Variants in AHCY observed in about 807,000 individuals in gnomAD.
AHCY encodes adenosylhomocysteinase, also known as S-adenosyl-L-homocysteine hydrolase.
AHCY carries 24 observed loss-of-function variants against 45.4 expected under a neutral mutation model. The ratio of observed to expected loss-of-function variants is 0.53; its 90% CI spans 0.38 to 0.74. The LOEUF (loss-of-function observed/expected upper bound fraction) is 0.74, where lower values mean the gene tolerates loss of function less well. Ranked by LOEUF, AHCY falls within the 30% of genes least tolerant of loss-of-function variation. The pLI is 0.00. For missense variants in AHCY, 449 were observed against 594.1 expected, an observed-to-expected ratio of 0.76 and a Z score of 2.54; for synonymous variants, 245 against 235.1, an observed-to-expected ratio of 1.04 and a Z score of -0.39.
At chr20:34,271,058 C>T in the AHCY span, among the ~76,000 whole-genome samples, 2 of 152,148 alleles carry the variant, frequency 1.3e-5, no homozygotes, top group Admixed American at 1.3e-4. Context: ...ACTGGAGCCT[C>T]CAACTCCCAG....
rs1481669137 is a variant in AHCY at position 34,290,986 on chromosome 20, G to A, written c.559-48C>T. 1.3e-6 allele frequency: 2 copies of A among 1,583,654 alleles called. No homozygotes were observed. The highest frequency in any genetic ancestry group is 2.2e-5 in the South Asian group (2 of 90,060). ...GACAATAGGGGCAGGCAAGGCCCTG[G>A]GGCCAGGACAACTTGGCCTCAGAGT... On this transcript the variant is annotated intron_variant, in intron 5 of 9. Transcript: ENST00000217426. The surrounding 1 kb of genome is among the most constrained non-coding windows in gnomAD (Gnocchi z 4.5).
At chr20:34,283,094 T>C (rs2036055834) in intron 9 of AHCY, among the ~76,000 whole-genome samples, 1 of 151,972 alleles carries the variant, frequency 6.6e-6, no homozygotes, top group South Asian at 2.1e-4. Flanking sequence ...TAGAACTGAG[T>C]CCACGTCAGT....
intron 1 of AHCY, among the ~76,000 whole-genome samples, chr20:34,300,806 C>T (rs927521192): frequency 2.0e-5 from 3 of 150,806 alleles, no homozygotes; most frequent in Non-Finnish European, 4.4e-5. Flanking sequence ...AGCAAGAGAT[C>T]CAGGGAGACC....
At chr20:34,268,903 C>T in the AHCY span, 1 of 1,491,884 alleles carries the variant, frequency 6.7e-7, no homozygotes, top group East Asian at 2.5e-5. Flanking sequence ...GGTCCGGGAT[C>T]TCCCTAGCCC....
Position 34,280,666 on chromosome 20 carries a change from A to G in AHCY, c.*368T>C. 1 of 337,646 alleles carries G rather than the reference A, an allele frequency of 3.0e-6. No individual in the cohort carries two copies. Among genetic ancestry groups the G allele is most frequent in the Non-Finnish European group, 5.7e-6 (1 of 174,194 alleles). The allele number at this position is 337,646 out of a possible 1,614,324, so 20.9% of individuals were successfully genotyped here. ...ACCACTGGACCTGTAAACCAAGCAC[A>G]CAGGTATAAGTCCACAGACCAGGTG... is the stretch of plus-strand genomic sequence containing the variant. On this transcript the variant is annotated 3_prime_UTR_variant, in exon 10 of 10. Coordinates refer to ENST00000217426, the MANE Select transcript of AHCY (RefSeq NM_000687.4).
At chr20:34,278,547 GC>G (rs1415671265), downstream of AHCY, among the ~76,000 whole-genome samples, 2 of 152,186 alleles carry the variant, frequency 1.3e-5, no homozygotes, top group East Asian at 3.8e-4. Context: ...GCTCTGGGTA[GC>G]CCTCTGGTTT....
At chr20:34,248,617 A>G in the AHCY span, among the ~76,000 whole-genome samples, 1 of 152,116 alleles carries the variant, frequency 6.6e-6, no homozygotes, top group Non-Finnish European at 1.5e-5. Context: ...AGCCTGGGCA[A>G]CATTGTGAGA....
the AHCY span, among the ~76,000 whole-genome samples, chr20:34,235,844 G>GAAA: frequency 0.046 from 1,180 of 25,514 alleles, 18 homozygotes; most frequent in East Asian, 0.068. Flanking sequence ...AAAGAAAGAA[G>GAAA]GAAGGAAGGA....
chr20:34,239,338 T>C, the AHCY span, among the ~76,000 whole-genome samples: 1 of 152,004 alleles, frequency 6.6e-6, no homozygotes, highest in African/African-American at 2.4e-5. Flanking sequence ...TGCCTCAGCC[T>C]CCCAAGTAGC....
rs1229673205 is a variant in AHCY, at chr20:34,285,425, G to T, written c.1167+15C>A. 2 of 1,613,564 alleles carry T rather than the reference G, an allele frequency of 1.2e-6. No individual in the cohort carries two copies. The highest frequency in any genetic ancestry group is 1.7e-4 in the Middle Eastern group (1 of 5,976). ...GACACGTGACCCTTGGCTTGAGGTA[G>T]AAGAATAAACCCACCTTCTTGGGCA... On this transcript the variant is annotated intron_variant, in intron 9 of 9. Transcript: ENST00000217426.
At chr20:34,235,963 AGGAG>A in the AHCY span, among the ~76,000 whole-genome samples, 1 of 79,944 alleles carries the variant, frequency 1.3e-5, no homozygotes, top group Admixed American at 1.0e-4. Flanking sequence ...GAAGGAAGGA[AGGAG>A]GGAGGGAGGG....
At chr20:34,257,068 CTCT>C in the AHCY span, among the ~76,000 whole-genome samples, 2 of 107,600 alleles carry the variant, frequency 1.9e-5, no homozygotes, top group Admixed American at 1.0e-4. Context: ...CTCTTTCTTT[CTCT>C]TTTTTTTTTT....
chr20:34,285,345 G>A (rs2036137246), intron 9 of AHCY, 95 bp downstream of exon 9: 3 of 1,413,298 alleles, frequency 2.1e-6, no homozygotes, highest in East Asian at 2.3e-5. Flanking sequence ...TAAGAGGGCA[G>A]ACAGGCAAGC....
chr20:34,286,373 GTC>G (rs1223939300), intron 8 of AHCY: 2 of 153,372 alleles, frequency 1.3e-5, no homozygotes, highest in Non-Finnish European at 2.9e-5. Context: ...CAAGGGTTAG[GTC>G]ACTTGTCCAG....
At chr20:34,294,006 G>T in intron 3 of AHCY, 75 bp downstream of exon 3, 1 of 1,446,034 alleles carries the variant, frequency 6.9e-7, no homozygotes, top group Non-Finnish European at 9.7e-7. Flanking sequence ...GAAGTCTGTT[G>T]CTCTAGCAGT....
chr20:34,284,726 G>C (rs1211826639), intron 9 of AHCY, among the ~76,000 whole-genome samples: 1 of 152,204 alleles, frequency 6.6e-6, no homozygotes, highest in African/African-American at 2.4e-5. Context: ...AAGAGGCTGA[G>C]GTGGGAGGAT....
chr20:34,260,527 T>C, the AHCY span: 1 of 1,611,086 alleles, frequency 6.2e-7, no homozygotes, highest in Non-Finnish European at 8.5e-7. Flanking sequence ...CTTCTGTCTC[T>C]ATTGTGGGTA....
chr20:34,265,251 G>A, the AHCY span, among the ~76,000 whole-genome samples: 11 of 151,998 alleles, frequency 7.2e-5, no homozygotes, highest in Admixed American at 3.3e-4. Flanking sequence ...GGCCAGGCAC[G>A]GTGGCTCACA....
chr20:34,284,747 C>T (rs966888820), intron 9 of AHCY, among the ~76,000 whole-genome samples: 34 of 152,082 alleles, frequency 2.2e-4, no homozygotes, highest in African/African-American at 7.2e-4. Context: ...TGCTTGAACC[C>T]GGCAGGTGGA....
Sources: allele counts gnomAD v4.1 joint callset (sites outside exome capture counted in the v4.1 genomes callset), GRCh38; gene constraint gnomAD v4.1.1; non-coding constraint Gnocchi (gnomAD v3.1); transcripts MANE v1.5; gene names NCBI Gene and HGNC (gene_info 2026-07-23, HGNC 2026-07-21).